The following PHEX variants were observed in gnomAD, a reference collection of about 807,000 sequenced individuals.
PHEX encodes phosphate-regulating neutral endopeptidase PHEX.
PHEX carries 16 observed loss-of-function variants against 68.0 expected under a neutral mutation model. The observed-to-expected ratio is 0.24, with a 90% confidence interval of 0.16 to 0.36. The LOEUF (loss-of-function observed/expected upper bound fraction) is 0.36, where lower values mean the gene tolerates loss of function less well. PHEX is among the 10% of genes least tolerant of loss of function. PHEX has a pLI of 1.00. For missense variants in PHEX, 480 were observed against 575.5 expected (o/e 0.83, Z 1.70); for synonymous variants, 208 against 205.1 (o/e 1.01, Z -0.12).
intron 18 of PHEX, among the ~76,000 whole-genome samples, chrX:22,223,832 G>GA (rs1935350785): frequency 3.5e-5 from 4 of 112,756 alleles, no homozygotes; most frequent in African/African-American, 1.3e-4. Context: ...CAAGAGCCAA[G>GA]AGGAGTTGGG....
In PHEX at chrX:22,247,854, C is replaced by G. The variant is rs772854418; in HGVS notation, c.2151C>G (p.Val717=). The change falls in exon 22 of 22, where the codon GTC becomes GTG. Residue 717 remains valine (V), a synonymous_variant. Transcript: ENST00000379374. ...IGAHSPPQFR[V]NGAISNFEEF... ...GCTTTGACATATCGTTTTTCAGGGT[C>G]AATGGTGCAATTAGTAACTTTGAAG... The G allele has an allele frequency of 1.1e-5, 13 of 1,186,077 alleles. 1 individual carries two copies. The South Asian group carries it at 1.9e-4, about 18-fold the overall frequency.
intron 12 of PHEX, among the ~76,000 whole-genome samples, chrX:22,158,014 G>C (rs1226861954): frequency 8.9e-6 from 1 of 111,834 alleles, no homozygotes; most frequent in Non-Finnish European, 1.9e-5. Flanking sequence ...ATTTTATCAA[G>C]AGAATAAAAT....
rs1440858200 is a variant in PHEX, at chrX:22,178,290, C to T, written c.1500C>T (p.Ala500=). 5 of 1,193,552 alleles carry T rather than the reference C, an allele frequency of 4.2e-6. No individual in the cohort carries two copies. Among genetic ancestry groups the T allele is most frequent in the South Asian group, 1.8e-5 (1 of 56,430 alleles). Residue 500 remains alanine, a synonymous_variant, in exon 14 of 22, where the codon GCC becomes GCT. Transcript: ENST00000379374. ...EDLKAIKFSE[A]DYFGNVLQTR... ...TTATTCAGATCAAGTTTTCAGAAGCCGACTACTTTGGCAACGTCCTACAAA... is the reference window on the plus strand; with the variant it reads ...TTATTCAGATCAAGTTTTCAGAAGCTGACTACTTTGGCAACGTCCTACAAA...
chrX:22,219,554 T>C (rs1315812659), intron 17 of PHEX, among the ~76,000 whole-genome samples: 2 of 112,088 alleles, frequency 1.8e-5, no homozygotes, highest in East Asian at 5.6e-4. Flanking sequence ...CCTTTTACGA[T>C]TTCGAAGATT....
intron 2 of PHEX, among the ~76,000 whole-genome samples, chrX:22,042,418 C>T (rs773982869): frequency 1.8e-5 from 2 of 111,994 alleles, no homozygotes; most frequent in African/African-American, 3.2e-5. Flanking sequence ...TATATAGCCA[C>T]GCTAAGCCTC....
chrX:22,094,134 A>G lies in PHEX; in HGVS notation c.849+35A>G, dbSNP rs1184560522. ...CACTGAAAATCTCTTTCTTTCCTTTACTTTCTTTTCTTTTCCTTTACTTTC... is the reference window on the plus strand; with the variant it reads ...CACTGAAAATCTCTTTCTTTCCTTTGCTTTCTTTTCTTTTCCTTTACTTTC... On this transcript the variant is annotated intron_variant, in intron 7 of 21. Transcript: ENST00000379374. The G allele has an allele frequency of 6.2e-6, 5 of 806,713 alleles. No homozygotes were observed. In the East Asian group the frequency reaches 1.6e-4, roughly 26 times the overall value. 66.5% of individuals were successfully genotyped at this position (806,713 alleles called of 1,213,427 possible).
intron 2 of PHEX, among the ~76,000 whole-genome samples, chrX:22,040,576 G>A (rs772101418): frequency 8.9e-6 from 1 of 112,203 alleles, no homozygotes; most frequent in Admixed American, 9.4e-5. Context: ...AAAAGCCGGA[G>A]GACATGACCT....
At chrX:22,216,043 C>T (rs905447112) in intron 16 of PHEX, among the ~76,000 whole-genome samples, 2 of 111,262 alleles carry the variant, frequency 1.8e-5, no homozygotes, top group African/African-American at 6.5e-5. Context: ...CGTTTAGACC[C>T]GCCCAAAGAG....
intron 20 of PHEX, among the ~76,000 whole-genome samples, chrX:22,244,951 T>C (rs1936349156): frequency 8.9e-6 from 1 of 111,759 alleles, no homozygotes; most frequent in South Asian, 3.8e-4. Flanking sequence ...ATCACCATCC[T>C]CAATAATGGG....
intron 16 of PHEX, among the ~76,000 whole-genome samples, chrX:22,218,664 A>G (rs1272249956): frequency 8.9e-6 from 1 of 111,828 alleles, no homozygotes; most frequent in Admixed American, 9.5e-5. Context: ...ATATTTACTG[A>G]CAGGATCTTT....
At chrX:22,221,467 T>C in intron 17 of PHEX, 146 bp from the exon 18 acceptor site, 2 of 498,936 alleles carry the variant, frequency 4.0e-6, no homozygotes, top group East Asian at 3.6e-5. Flanking sequence ...ACCTGTGACA[T>C]TGGAGAGAAT....
intron 20 of PHEX, among the ~76,000 whole-genome samples, chrX:22,244,187 A>G (rs1445867153): frequency 9.0e-6 from 1 of 111,505 alleles, no homozygotes; most frequent in African/African-American, 3.3e-5. Context: ...ACAGGAACAG[A>G]AAACCAAACA....
chrX:22,055,404 A>T (rs1429552796), intron 3 of PHEX, among the ~76,000 whole-genome samples: 1 of 110,411 alleles, frequency 9.1e-6, no homozygotes, highest in Non-Finnish European at 1.9e-5. Flanking sequence ...AAACTGGACA[A>T]ATATAGAAAT....
chrX:22,227,403 C>T (rs2147184394), intron 19 of PHEX, 104 bp from the exon 20 acceptor site: 1 of 565,154 alleles, frequency 1.8e-6, no homozygotes, highest in Non-Finnish European at 3.1e-6. Flanking sequence ...TGACATGATG[C>T]ATTTTGCACG....
chrX:22,236,097 G>T (rs746777061), intron 20 of PHEX, among the ~76,000 whole-genome samples: 2 of 111,405 alleles, frequency 1.8e-5, no homozygotes, highest in Non-Finnish European at 3.8e-5. Flanking sequence ...GCCCATTACT[G>T]TCTCTTTGGC....
At chrX:22,244,337 G>T (rs1936324361) in intron 20 of PHEX, among the ~76,000 whole-genome samples, 1 of 110,855 alleles carries the variant, frequency 9.0e-6, no homozygotes, top group African/African-American at 3.3e-5. Flanking sequence ...TAATGTAGAT[G>T]ACGGGTTGAC....
intron 20 of PHEX, among the ~76,000 whole-genome samples, chrX:22,229,582 G>C (rs757264049): frequency 1.8e-5 from 2 of 112,267 alleles, no homozygotes; most frequent in East Asian, 5.6e-4. Context: ...CCCACTTTTT[G>C]ATGAGGTTGT....
chrX:22,236,869 A>G (rs1935999886), intron 20 of PHEX, among the ~76,000 whole-genome samples: 1 of 112,785 alleles, frequency 8.9e-6, no homozygotes, highest in Admixed American at 9.4e-5. Context: ...ATTGATTGAT[A>G]GTGAAGTTAC....
chrX:22,068,596 T>C (rs1300159339), intron 3 of PHEX, among the ~76,000 whole-genome samples: 1 of 112,053 alleles, frequency 8.9e-6, no homozygotes, highest in African/African-American at 3.2e-5. Context: ...TGAGTCTCCT[T>C]GGACAAGTTC....
Sources: gnomAD v4.1 joint callset for allele counts (sites outside exome capture counted in the v4.1 genomes callset) on GRCh38, gnomAD v4.1.1 for gene constraint, MANE v1.5 for transcripts, NCBI Gene and HGNC (gene_info 2026-07-23, HGNC 2026-07-21) for gene names.